PRKD3: variants seen among roughly 807,000 people sequenced by gnomAD.
PRKD3 encodes serine/threonine-protein kinase D3.
In PRKD3, 47 loss-of-function variants were observed where a neutral mutation model predicts 99.2. The observed-to-expected ratio is 0.47, with a 90% CI of 0.38 to 0.60. PRKD3 has a LOEUF of 0.60. Among genes scored for constraint, PRKD3 ranks in the 20% least tolerant of loss-of-function variants. PRKD3 has a pLI of 0.00. For missense variants in PRKD3, 1,019 were observed against 1,088.4 expected, an observed-to-expected ratio of 0.94 and a Z score of 0.90; for synonymous variants, 392 against 355.4, an observed-to-expected ratio of 1.10 and a Z score of -1.16.
intron 1 of PRKD3, chr2:37,317,981 A>G (rs1049695457): frequency 1.3e-5 from 2 of 152,158 alleles, no homozygotes; most frequent in Non-Finnish European, 2.9e-5. Flanking sequence ...AAGTTAAAAA[A>G]AAAAAAAGGT....
At chr2:37,260,426 A>C in intron 14 of PRKD3, 42 bp from the exon 15 acceptor site, 1 of 1,541,846 alleles carries the variant, frequency 6.5e-7, no homozygotes, top group Non-Finnish European at 9.0e-7. Flanking sequence ...TTAAGCAGAG[A>C]AACAGTTTTA....
chr2:37,288,225 T>A (rs1670214144), intron 5 of PRKD3, among the ~76,000 whole-genome samples: 1 of 152,202 alleles, frequency 6.6e-6, no homozygotes, highest in Non-Finnish European at 1.5e-5. Flanking sequence ...CTAGGTAAGT[T>A]CTCTGTGCAG....
chr2:37,303,676 C>A (rs79991883), intron 2 of PRKD3, among the ~76,000 whole-genome samples: 3 of 152,100 alleles, frequency 2.0e-5, no homozygotes, highest in East Asian at 3.9e-4. Flanking sequence ...GTCCCAAGTC[C>A]GATGAAGAGG....
At chr2:37,280,695 T>C (rs1247241239) in intron 7 of PRKD3, among the ~76,000 whole-genome samples, 6 of 152,166 alleles carry the variant, frequency 3.9e-5, no homozygotes, top group Admixed American at 2.0e-4. Flanking sequence ...TTTTGTGACC[T>C]TGGTTAGGCA....
chr2:37,311,074 G>A (rs1671404364), intron 2 of PRKD3, among the ~76,000 whole-genome samples: 1 of 152,120 alleles, frequency 6.6e-6, no homozygotes, highest in African/African-American at 2.4e-5. Flanking sequence ...GACTCTATAT[G>A]TGCATAAAGA....
intron 1 of PRKD3, among the ~76,000 whole-genome samples, chr2:37,321,169 C>T (rs1319545949): frequency 6.6e-6 from 1 of 152,152 alleles, no homozygotes; most frequent in Non-Finnish European, 1.5e-5. Context: ...ATTATATATG[C>T]TTGTTTCTAA....
At chr2:37,269,553 G>A in intron 13 of PRKD3, 62 bp downstream of exon 13, 1 of 1,417,168 alleles carries the variant, frequency 7.1e-7, no homozygotes, top group Non-Finnish European at 1.0e-6. Context: ...GCTGGCAGAT[G>A]TTTTACATTT....
At chr2:37,292,350 C>CTTT (rs987226119) in intron 3 of PRKD3, among the ~76,000 whole-genome samples, 3 of 143,048 alleles carry the variant, frequency 2.1e-5, no homozygotes, top group Non-Finnish European at 3.1e-5. Context: ...TGATTTTTTC[C>CTTT]TTTTTTTTTT....
In PRKD3 at chr2:37,276,240, T is replaced by C. The variant is rs376422147; in HGVS notation, c.1297-396A>G. ...CATGTGCACATGTAATTTTGCCTGA[T>C]AGTGTTATATTATTCTACACAAGAT... On this transcript the variant is annotated intron_variant, in intron 9 of 18. Transcript: ENST00000234179. 2.0e-4 allele frequency among the ~76,000 whole-genome samples: 31 copies of C among 152,292 alleles called. 1 individual carries two copies. In the Middle Eastern group the frequency reaches 0.041, roughly 201 times the overall value.
At chr2:37,262,119 G>A (rs574949745) in intron 14 of PRKD3, among the ~76,000 whole-genome samples, 3 of 152,246 alleles carry the variant, frequency 2.0e-5, no homozygotes, top group Admixed American at 2.0e-4. Context: ...ATATGACCCC[G>A]TCGCAAAATG....
At position 37,288,643 on chromosome 2, in the gene PRKD3, G is replaced by GA. The variant is rs370782489; in HGVS notation, c.717+712dup. 5.1e-3 allele frequency among the ~76,000 whole-genome samples: 776 copies of GA among 151,738 alleles called. 11 individuals carry two copies. Among genetic ancestry groups the GA allele is most frequent in the African/African-American group, 0.017 (701 of 41,380 alleles). On this transcript the variant is annotated intron_variant, in intron 5 of 18. Coordinates refer to ENST00000234179, the MANE Select transcript of PRKD3 (RefSeq NM_005813.6). The stretch of plus-strand genomic sequence containing the variant: ...GCCCTTGAGAGGTACACTGTATTAG[G>GA]AAAAAAAATCACTGATTTATTAATA...
chr2:37,258,453 T>A (rs1668151899), intron 16 of PRKD3, among the ~76,000 whole-genome samples: 1 of 152,212 alleles, frequency 6.6e-6, no homozygotes, highest in African/African-American at 2.4e-5. Context: ...AGTGGAGCCA[T>A]GGCTAACACT....
intron 7 of PRKD3, among the ~76,000 whole-genome samples, chr2:37,281,191 T>C (rs1669841708): frequency 6.6e-6 from 1 of 152,162 alleles, no homozygotes; most frequent in Admixed American, 6.5e-5. Context: ...ACTAGTGAGT[T>C]TGAACATCTC....
intron 5 of PRKD3, among the ~76,000 whole-genome samples, chr2:37,288,290 G>C (rs992902266): frequency 6.6e-6 from 1 of 152,048 alleles, no homozygotes; most frequent in Non-Finnish European, 1.5e-5. Flanking sequence ...AGGCTCTTCT[G>C]TAGGTTTATA....
At chr2:37,259,526 G>T in intron 16 of PRKD3, 57 bp downstream of exon 16, 1 of 1,349,694 alleles carries the variant, frequency 7.4e-7, no homozygotes, top group Non-Finnish European at 1.0e-6. Flanking sequence ...CTTTTATTAT[G>T]TGGGTGCTTT....
At chr2:37,311,640 T>G (rs1671430051) in intron 2 of PRKD3, among the ~76,000 whole-genome samples, 1 of 152,240 alleles carries the variant, frequency 6.6e-6, no homozygotes, top group South Asian at 2.1e-4. Context: ...TCTGAAATTT[T>G]TAATTTTAAG....
chr2:37,263,466 G>A (rs142542081), intron 14 of PRKD3, among the ~76,000 whole-genome samples: 58 of 152,254 alleles, frequency 3.8e-4, no homozygotes, highest in African/African-American at 1.2e-3. Context: ...GACCTTGTAC[G>A]TTCTTAATTA....
Position 37,252,386 on chromosome 2 carries a change from G to A in PRKD3, c.*791C>T, listed in dbSNP as rs1018225175. 1 of 152,186 alleles carries A rather than the reference G, an allele frequency of 6.6e-6. No individual in the cohort carries two copies. The highest frequency in any genetic ancestry group is 2.4e-5 in the African/African-American group (1 of 41,448). 9.4% of individuals were successfully genotyped at this position (152,186 alleles called of 1,614,324 possible). On this transcript the variant is annotated 3_prime_UTR_variant, in exon 19 of 19. Coordinates refer to ENST00000234179, the MANE Select transcript of PRKD3 (RefSeq NM_005813.6). ...CAGAACATGCATATTTAGCAGCAGA[G>A]TGGAGCTATGCAAAGACATACAACT...
chr2:37,295,474 A>C (rs551341855), intron 2 of PRKD3, among the ~76,000 whole-genome samples: 1 of 152,280 alleles, frequency 6.6e-6, no homozygotes, highest in African/African-American at 2.4e-5. Context: ...TTGAGACTAA[A>C]GAATGAGATG....
Sources: allele counts gnomAD v4.1 joint callset (sites outside exome capture counted in the v4.1 genomes callset), GRCh38; gene constraint gnomAD v4.1.1; transcripts MANE v1.5; gene names NCBI Gene and HGNC (gene_info 2026-07-23, HGNC 2026-07-21).